The following KCNG3 variants were observed in gnomAD, a reference collection of about 807,000 sequenced individuals.
KCNG3 encodes potassium voltage-gated channel modifier subfamily G member 3.
In KCNG3, 15 loss-of-function variants were observed where a neutral mutation model predicts 29.0. The observed-to-expected ratio is 0.52, with a 90% confidence interval of 0.35 to 0.80. The LOEUF (loss-of-function observed/expected upper bound fraction) is 0.80. Among genes scored for constraint, KCNG3 ranks in the 30% least tolerant of loss-of-function variants. KCNG3 has a pLI of 0.01. For missense variants in KCNG3, 512 were observed against 605.7 expected (o/e 0.85, Z 1.62); for synonymous variants, 322 against 248.9 (o/e 1.29, Z -2.76).
the KCNG3 span, among the ~76,000 whole-genome samples, chr2:42,397,986 G>A: frequency 6.6e-6 from 1 of 152,240 alleles, no homozygotes; most frequent in East Asian, 1.9e-4. Flanking sequence ...CATTTTGGGA[G>A]GCCGAGGCAG....
At chr2:42,438,899 G>T (rs1277467066), downstream of KCNG3, among the ~76,000 whole-genome samples, 2 of 150,848 alleles carry the variant, frequency 1.3e-5, no homozygotes, top group African/African-American at 5.0e-5. Flanking sequence ...GGAAAATCAG[G>T]AAGTGAAACA....
intron 1 of KCNG3, among the ~76,000 whole-genome samples, chr2:42,477,074 C>T (rs1469673952): frequency 6.7e-6 from 1 of 150,162 alleles, no homozygotes. Flanking sequence ...CACCTGTAGT[C>T]CCAGCTGCTC....
intron 1 of KCNG3, among the ~76,000 whole-genome samples, chr2:42,447,320 A>G (rs1030929371): frequency 1.3e-5 from 2 of 152,020 alleles, no homozygotes; most frequent in African/African-American, 2.4e-5. Context: ...ATATGTATGT[A>G]TCTCCTTTTA....
chr2:42,435,588 T>C, the KCNG3 span, among the ~76,000 whole-genome samples: 1 of 152,136 alleles, frequency 6.6e-6, no homozygotes, highest in Non-Finnish European at 1.5e-5. Flanking sequence ...AAAAAACCTA[T>C]TTTTTTAAGG....
At chr2:42,409,417 T>A in the KCNG3 span, among the ~76,000 whole-genome samples, 3 of 151,962 alleles carry the variant, frequency 2.0e-5, no homozygotes, top group Non-Finnish European at 2.9e-5. Context: ...AAAGCATTTT[T>A]TTAAGGCTGG....
chr2:42,446,323 C>T (rs745455268), intron 1 of KCNG3, among the ~76,000 whole-genome samples: 17 of 151,880 alleles, frequency 1.1e-4, no homozygotes, highest in Middle Eastern at 6.8e-3. Context: ...ACTACAGGCG[C>T]GCGCGATCAC....
intron 1 of KCNG3, among the ~76,000 whole-genome samples, chr2:42,487,025 C>T (rs1393035328): frequency 2.0e-5 from 3 of 151,548 alleles, no homozygotes; most frequent in African/African-American, 7.3e-5. Flanking sequence ...GGCATGGTGG[C>T]GGATACCTGT....
At chr2:42,462,499 T>C (rs1160565907) in intron 1 of KCNG3, among the ~76,000 whole-genome samples, 1 of 152,030 alleles carries the variant, frequency 6.6e-6, no homozygotes, top group Non-Finnish European at 1.5e-5. Context: ...CTGGTCAACA[T>C]GGTTAAACCC....
At chr2:42,487,353 T>C (rs865948201) in intron 1 of KCNG3, among the ~76,000 whole-genome samples, 2,431 of 147,550 alleles carry the variant, frequency 0.016, 54 homozygotes, top group African/African-American at 0.057. Flanking sequence ...CTTTCTTTTT[T>C]TTTTTTTTTG....
rs761950771 is a variant in KCNG3 at position 42,444,251 on chromosome 2, C to T, written c.994G>A (p.Val332Ile). The T allele has an allele frequency of 8.7e-6, 14 of 1,614,116 alleles. No individual in the cohort carries two copies. The highest frequency in any genetic ancestry group is 1.2e-5 in the Non-Finnish European group (14 of 1,180,018). ...AGTGCACTAAAGATTGCCATGGCAA[C>T]ACAAATGAAGACAAGTAACATAACC... ...EMVMLLVFICVAMAIFSALSQ... is the reference protein window; with the variant it reads ...EMVMLLVFICIAMAIFSALSQ... The change falls in exon 2 of 2, where the codon GTT becomes ATT. Residue 332 changes from valine (V) to isoleucine (I), a missense_variant. By Grantham distance (29) the Val-to-Ile change is conservative. This residue lies in a region of KCNG3 where 173 missense variants were observed against 262.4 expected (regional missense o/e 0.66). Coordinates refer to ENST00000306078, the MANE Select transcript of KCNG3 (RefSeq NM_133329.6). This position sits in a 1 kb window ranked among gnomAD's most constrained non-coding sequence, Gnocchi z 5.8.
the KCNG3 span, among the ~76,000 whole-genome samples, chr2:42,416,380 G>C: frequency 6.6e-6 from 1 of 151,970 alleles, no homozygotes; most frequent in African/African-American, 2.4e-5. Context: ...TGGGAGGCTG[G>C]GCAGGAAGAT....
At chr2:42,467,332 T>G (rs1427155349) in intron 1 of KCNG3, among the ~76,000 whole-genome samples, 1 of 152,134 alleles carries the variant, frequency 6.6e-6, no homozygotes. Flanking sequence ...TATATAACAC[T>G]GTCCCAAATA....
chr2:42,484,872 G>C (rs1364460928), intron 1 of KCNG3, among the ~76,000 whole-genome samples: 5 of 152,174 alleles, frequency 3.3e-5, no homozygotes, highest in African/African-American at 1.2e-4. Flanking sequence ...TGAAAGAACA[G>C]AATTTAACTG....
intron 1 of KCNG3, among the ~76,000 whole-genome samples, chr2:42,460,975 C>G (rs1019981889): frequency 6.6e-6 from 1 of 151,900 alleles, no homozygotes; most frequent in Non-Finnish European, 1.5e-5. Context: ...CCCTGGCTAA[C>G]GTGGTGAAAC....
At chr2:42,424,724 T>C in the KCNG3 span, 1 of 152,206 alleles carries the variant, frequency 6.6e-6, no homozygotes, top group Non-Finnish European at 1.5e-5. Context: ...CTGTCTTAAA[T>C]GCAATTATCA....
In KCNG3 at chr2:42,444,423, A is replaced by C. The variant is rs1392577134; in HGVS notation, c.822T>G (p.Phe274Leu). ...PYYISVLMTV[F>L]TGENSQLQRA... ...TCTGGAGTTGAGAGTTCTCGCCTGT[A>C]AACACTGTCATCAACACAGAGATGT... The change falls in exon 2 of 2, where the codon TTT becomes TTG. Residue 274 changes from phenylalanine to leucine, a missense_variant. Around this residue, in one of 5 missense-constraint regions of KCNG3, gnomAD observed 173 missense variants for 262.4 expected, o/e 0.66. Coordinates refer to ENST00000306078, the MANE Select transcript of KCNG3 (RefSeq NM_133329.6). The surrounding 1 kb of genome is among the most constrained non-coding windows in gnomAD (Gnocchi z 5.8). 2 of 1,614,210 alleles carry C rather than the reference A, an allele frequency of 1.2e-6. No individual in the cohort carries two copies. The highest frequency in any genetic ancestry group is 1.7e-6 in the Non-Finnish European group (2 of 1,180,036).
intron 1 of KCNG3, among the ~76,000 whole-genome samples, chr2:42,460,569 T>C (rs932088850): frequency 3.9e-5 from 6 of 152,180 alleles, no homozygotes; most frequent in African/African-American, 1.4e-4. Flanking sequence ...TAAGTTTTTC[T>C]TCATCTGGGA....
rs780767758 is a variant in KCNG3 at position 42,444,960 on chromosome 2, G to C, written c.666-381C>G. 6.6e-6 allele frequency among the ~76,000 whole-genome samples: 1 copy of C among 151,782 alleles called. No homozygotes were observed. The highest frequency in any genetic ancestry group is 1.5e-5 in the Non-Finnish European group (1 of 67,968). ...ACACACCTGTAGTACCACCTACCTG[G>C]GAGGCTAAGGTGGGAGGATCACCTG... On this transcript the variant is annotated intron_variant, in intron 1 of 1. Transcript: ENST00000306078. This position sits in a 1 kb window ranked among gnomAD's most constrained non-coding sequence, Gnocchi z 5.8.
chr2:42,448,383 A>ATTTT (rs749873622), intron 1 of KCNG3, among the ~76,000 whole-genome samples: 61 of 117,776 alleles, frequency 5.2e-4, no homozygotes, highest in Admixed American at 1.3e-3. Flanking sequence ...TTATTTATTT[A>ATTTT]TTTTTTGTAT....
Sources: allele counts gnomAD v4.1 joint callset (sites outside exome capture counted in the v4.1 genomes callset), GRCh38; gene constraint gnomAD v4.1.1; regional missense constraint gnomAD v4.1.1; non-coding constraint Gnocchi (gnomAD v3.1); transcripts MANE v1.5; gene names NCBI Gene and HGNC (gene_info 2026-07-23, HGNC 2026-07-21).